ANK3: variants seen among roughly 807,000 people sequenced by gnomAD.
ANK3 encodes the protein ankyrin-3.
ANK3 carries 57 observed loss-of-function variants against 370.9 expected under a neutral mutation model. That is an observed-to-expected ratio of 0.15 (90% CI 0.12 to 0.19). The LOEUF is 0.19. Among genes scored for constraint, ANK3 ranks in the 10% least tolerant of loss-of-function variants. The probability of loss-of-function intolerance (pLI) is 1.00; values close to 1 mark genes in which losing one functional copy is unlikely to be tolerated. For synonymous variants in ANK3, 1,929 were observed against 1,946.3 expected (o/e 0.99, Z 0.23); for missense variants, 4,439 against 5,302.1 (o/e 0.84, Z 5.06).
intron 4 of ANK3, among the ~76,000 whole-genome samples, chr10:60,271,355 C>G (rs930973585): frequency 2.0e-5 from 3 of 152,012 alleles, no homozygotes; most frequent in African/African-American, 7.2e-5. Flanking sequence ...CAGGCATGCA[C>G]CGCCACACCT....
Position 60,196,225 on chromosome 10 carries a change from G to A in ANK3, c.1807C>T (p.His603Tyr). The A allele has an allele frequency of 6.2e-7, 1 of 1,614,026 alleles. No homozygotes were observed. Among genetic ancestry groups the A allele is most frequent in the Non-Finnish European group, 8.5e-7 (1 of 1,179,928 alleles). ...TGATTATCGTAATGTGCAGCTACAT[G>A]CAGTGGTGTTAGCCCGCTCTGAAAA... ...AAGKSGLTPL[H>Y]VAAHYDNQKV... Residue 603 changes from histidine to tyrosine, a missense_variant, in exon 16 of 44, where the codon CAT becomes TAT. His to Tyr is a moderately conservative substitution (Grantham distance 83, BLOSUM62 2). Around this residue, in one of 13 missense-constraint regions of ANK3, gnomAD observed 192 missense variants for 192.1 expected, o/e 1.00. Transcript: ENST00000280772.
intron 2 of ANK3, among the ~76,000 whole-genome samples, chr10:60,611,528 T>C (rs1215785597): frequency 6.6e-6 from 1 of 152,122 alleles, no homozygotes; most frequent in African/African-American, 2.4e-5. Context: ...TTAGTCAGCC[T>C]CATTGTAACC....
At chr10:60,218,182 C>T (rs2096977386) in intron 8 of ANK3, among the ~76,000 whole-genome samples, 1 of 147,328 alleles carries the variant, frequency 6.8e-6, no homozygotes, top group African/African-American at 2.6e-5. Context: ...TGTCTTTGCA[C>T]ATGAGATGGG....
At chr10:60,477,083 T>C (rs563301146) in intron 2 of ANK3, among the ~76,000 whole-genome samples, 1 of 152,256 alleles carries the variant, frequency 6.6e-6, no homozygotes, top group Non-Finnish European at 1.5e-5. Context: ...TCCACAATTC[T>C]GCATCCCACA....
chr10:60,697,061 G>A (rs2079467941), intron 1 of ANK3, among the ~76,000 whole-genome samples: 2 of 149,848 alleles, frequency 1.3e-5, no homozygotes, highest in South Asian at 4.3e-4. Context: ...AAAGTCTCAG[G>A]ATACAAAATC....
chr10:60,579,775 G>C (rs1266700900), intron 2 of ANK3, among the ~76,000 whole-genome samples: 1 of 152,160 alleles, frequency 6.6e-6, no homozygotes, highest in East Asian at 1.9e-4. Context: ...TAAAGTGACA[G>C]ACTGCAGGAC....
intron 40 of ANK3, 48 bp from the exon 41 acceptor site, chr10:60,059,478 ATAGCCTGTACTTTT>A: frequency 6.6e-7 from 1 of 1,507,204 alleles, no homozygotes; most frequent in Non-Finnish European, 9.2e-7. Flanking sequence ...ACGCTTAAGA[ATAGCCTGTACTTTT>A]TCTTCTGTCA....
At chr10:60,175,828 C>A (rs1323650478) in intron 18 of ANK3, among the ~76,000 whole-genome samples, 2 of 152,164 alleles carry the variant, frequency 1.3e-5, no homozygotes, top group Non-Finnish European at 2.9e-5. Flanking sequence ...GTTATTGAAC[C>A]TCTCTGTACA....
chr10:60,069,642 C>T lies in ANK3; in HGVS notation c.11239G>A (p.Ala3747Thr). 6.2e-7 allele frequency: 1 copy of T among 1,614,142 alleles called. No homozygotes were observed. Among genetic ancestry groups the T allele is most frequent in the Non-Finnish European group, 8.5e-7 (1 of 1,180,008 alleles). Reference protein sequence around the residue: ...GPGEITDKIEAVMTSCQGLEN... With the variant: ...GPGEITDKIETVMTSCQGLEN... ...AATCCCTGACAACTGGTCATCACCG[C>T]TTCTATCTTATCTGTTATTTCTCCA... The change falls in exon 37 of 44, where the codon GCG (alanine) becomes ACG (threonine). Residue 3747 changes from alanine (A) to threonine (T), a missense_variant. By Grantham distance (58) the Ala-to-Thr change is moderately conservative (BLOSUM62 0). This residue lies in a region of ANK3 where 496 missense variants were observed against 529.3 expected (regional missense o/e 0.94). Transcript: ENST00000280772.
At chr10:60,339,377 T>A (rs10821728) in intron 1 of ANK3, among the ~76,000 whole-genome samples, 106,127 of 152,030 alleles carry the variant, frequency 0.7, 38,304 homozygotes, top group South Asian at 0.91. Context: ...TACATGTCTC[T>A]CTTAATTATA....
At position 60,430,151 on chromosome 10, in the gene ANK3, A is replaced by G. The variant is rs202031726; in HGVS notation, c.97-150512T>C. Among the ~76,000 whole-genome samples the G allele has an allele frequency of 1.2e-4, 19 of 152,330 alleles. No individual in the cohort carries two copies. The East Asian group carries it at 2.7e-3, about 22-fold the overall frequency. ...TATTTAAAGTTTTTCTGAACAATGC[A>G]TTTAACTAGCACCAGTGTGGTAGAT... On this transcript the variant is annotated intron_variant, in intron 2 of 43. Transcript: ENST00000373827.
intron 38 of ANK3, among the ~76,000 whole-genome samples, chr10:60,067,523 TGAAC>T (rs1332768637): frequency 6.6e-6 from 1 of 152,158 alleles, no homozygotes; most frequent in Admixed American, 6.5e-5. Flanking sequence ...GTGGGTTAAT[TGAAC>T]TGTTGCCTAG....
intron 2 of ANK3, among the ~76,000 whole-genome samples, chr10:60,476,707 G>A (rs973644783): frequency 6.6e-6 from 1 of 152,098 alleles, no homozygotes; most frequent in East Asian, 1.9e-4. Context: ...CTCTGAATAT[G>A]AATTGGATTT....
At chr10:60,528,961 C>T (rs1457260710) in intron 2 of ANK3, among the ~76,000 whole-genome samples, 1 of 152,066 alleles carries the variant, frequency 6.6e-6, no homozygotes, top group African/African-American at 2.4e-5. Flanking sequence ...TATAATAATG[C>T]TGAGATACTA....
At chr10:60,040,409 C>G (rs997575966) in intron 43 of ANK3, among the ~76,000 whole-genome samples, 1 of 152,030 alleles carries the variant, frequency 6.6e-6, no homozygotes, top group Admixed American at 6.6e-5. Flanking sequence ...TATTCTTGGA[C>G]TCATTCCCTA....
intron 25 of ANK3, among the ~76,000 whole-genome samples, chr10:60,130,471 G>A (rs999004803): frequency 2.6e-5 from 4 of 152,076 alleles, no homozygotes; most frequent in Admixed American, 1.3e-4. Context: ...AATTTAACTG[G>A]GCAATGACAG....
At chr10:60,063,051 T>C in intron 40 of ANK3, 60 bp downstream of exon 40, 1 of 1,526,316 alleles carries the variant, frequency 6.6e-7, no homozygotes, top group Non-Finnish European at 8.8e-7. Context: ...CTGCCTTGTC[T>C]GACTGCACTT....
intron 2 of ANK3, among the ~76,000 whole-genome samples, chr10:60,543,547 T>C (rs1005789779): frequency 2.6e-5 from 4 of 151,976 alleles, no homozygotes; most frequent in African/African-American, 9.7e-5. Context: ...TAGGCACACA[T>C]ACACGCATTT....
chr10:60,101,149 G>A (rs2091201637), intron 28 of ANK3, among the ~76,000 whole-genome samples: 2 of 152,276 alleles, frequency 1.3e-5, no homozygotes, highest in East Asian at 1.9e-4. Context: ...TGTATTTGGA[G>A]GAGGGTACTC....
Sources: gnomAD v4.1 joint callset for allele counts (sites outside exome capture counted in the v4.1 genomes callset) on GRCh38, gnomAD v4.1.1 for gene constraint, gnomAD v4.1.1 regional missense constraint, MANE v1.5 for transcripts, NCBI Gene and HGNC (gene_info 2026-07-23, HGNC 2026-07-21) for gene names.